Variants in GABBR2 observed in about 807,000 individuals in gnomAD.
GABBR2 encodes the protein gamma-aminobutyric acid type B receptor subunit 2.
A neutral mutation model predicts 105.6 loss-of-function variants in GABBR2; 23 were observed. The observed-to-expected ratio is 0.22, with a 90% CI of 0.16 to 0.31. GABBR2 has a LOEUF of 0.31. GABBR2 is among the 10% of genes least tolerant of loss of function. The pLI, the probability that GABBR2 is intolerant of heterozygous loss-of-function variation, is 1.00. For missense variants in GABBR2, 734 were observed against 1,245.5 expected (o/e 0.59, Z 6.18); for synonymous variants, 478 against 499.7 (o/e 0.96, Z 0.58).
At chr9:98,501,072 T>G (rs2131678316) in intron 3 of GABBR2, among the ~76,000 whole-genome samples, 1 of 152,040 alleles carries the variant, frequency 6.6e-6, no homozygotes, top group South Asian at 2.1e-4. Context: ...GAGACCAGAA[T>G]GTATTAACTG....
chr9:98,344,158 C>T (rs72759648), intron 13 of GABBR2, among the ~76,000 whole-genome samples: 6,678 of 152,142 alleles, frequency 0.044, 215 homozygotes, highest in Middle Eastern at 0.11. Context: ...TCTTCTCCAT[C>T]GCTCTGACTG....
At chr9:98,352,766 TGTG>T (rs1206441518) in intron 13 of GABBR2, among the ~76,000 whole-genome samples, 1 of 152,008 alleles carries the variant, frequency 6.6e-6, no homozygotes, top group African/African-American at 2.4e-5. Flanking sequence ...GCCTTCCTGG[TGTG>T]GTACATTGAT....
intron 2 of GABBR2, among the ~76,000 whole-genome samples, chr9:98,549,203 C>T (rs1392089745): frequency 8.2e-6 from 1 of 122,202 alleles, no homozygotes; most frequent in Non-Finnish European, 1.8e-5. Flanking sequence ...GCTTTGGCCT[C>T]CCAAAGTGCT....
At chr9:98,409,561 C>A (rs1206557239) in intron 7 of GABBR2, among the ~76,000 whole-genome samples, 1 of 152,170 alleles carries the variant, frequency 6.6e-6, no homozygotes, top group African/African-American at 2.4e-5. Context: ...GACACCCCAC[C>A]CAGGATGGAG....
intron 13 of GABBR2, among the ~76,000 whole-genome samples, chr9:98,327,502 T>C (rs1315996775): frequency 1.3e-5 from 2 of 152,128 alleles, no homozygotes; most frequent in African/African-American, 4.8e-5. Context: ...CTTTGGCTAA[T>C]GGTCCCATAG....
At chr9:98,317,103 AG>A (rs1277231192) in intron 13 of GABBR2, among the ~76,000 whole-genome samples, 1 of 152,240 alleles carries the variant, frequency 6.6e-6, no homozygotes, top group Non-Finnish European at 1.5e-5. Flanking sequence ...CTTCCCCTGA[AG>A]CCCCCAGAGC....
intron 1 of GABBR2, among the ~76,000 whole-genome samples, chr9:98,660,642 C>T (rs762348649): frequency 3.9e-5 from 6 of 152,174 alleles, no homozygotes; most frequent in Non-Finnish European, 5.9e-5. Context: ...ATCAGAAATC[C>T]AAAATGAGTC....
intron 1 of GABBR2, among the ~76,000 whole-genome samples, chr9:98,674,498 T>C (rs1830449876): frequency 6.6e-6 from 1 of 151,532 alleles, no homozygotes; most frequent in Non-Finnish European, 1.5e-5. Context: ...GAGGCAGAAA[T>C]AGGTAAGAAA....
At chr9:98,539,757 A>G (rs1421006708) in intron 3 of GABBR2, among the ~76,000 whole-genome samples, 1 of 151,994 alleles carries the variant, frequency 6.6e-6, no homozygotes, top group East Asian at 1.9e-4. Context: ...CTCTACTAAA[A>G]ATACATAAAT....
chr9:98,619,717 T>A (rs1431607270), intron 1 of GABBR2, among the ~76,000 whole-genome samples: 1 of 152,254 alleles, frequency 6.6e-6, no homozygotes, highest in Admixed American at 6.5e-5. Context: ...CTTGTTTTTC[T>A]TGCTTCTGAT....
In GABBR2 at chr9:98,299,242, T is replaced by C; in HGVS notation, c.2524A>G (p.Asn842Asp). 1 of 1,614,116 alleles carries C rather than the reference T, an allele frequency of 6.2e-7. No homozygotes were observed. The highest frequency in any genetic ancestry group is 2.2e-5 in the East Asian group (1 of 44,890). Residue 842 changes from asparagine to aspartate, a missense_variant, in exon 17 of 19, where the codon AAC becomes GAC. Asn to Asp is a conservative substitution (Grantham distance 23, BLOSUM62 1). Coordinates refer to ENST00000259455, the MANE Select transcript of GABBR2 (RefSeq NM_005458.8). ...CTCTTACCTGTGCTCTCAGTGAAGTTTCCCAGGTTGAGGATGTCATTGAGC... is the reference window on the plus strand; with the variant it reads ...CTCTTACCTGTGCTCTCAGTGAAGTCTCCCAGGTTGAGGATGTCATTGAGC... ...QELNDILNLG[N>D]FTESTDGGKA...
At chr9:98,568,610 A>T (rs1160810277) in intron 2 of GABBR2, among the ~76,000 whole-genome samples, 2 of 152,138 alleles carry the variant, frequency 1.3e-5, no homozygotes, top group Non-Finnish European at 2.9e-5. Context: ...GTCACCAGCC[A>T]GCACTTTGTC....
intron 12 of GABBR2, among the ~76,000 whole-genome samples, chr9:98,365,789 A>G (rs569103050): frequency 1.1e-4 from 16 of 148,992 alleles, no homozygotes; most frequent in African/African-American, 3.8e-4. Context: ...GGTGATTTAA[A>G]ATAATCTTAA....
chr9:98,463,614 G>A (rs1213343495), intron 6 of GABBR2, among the ~76,000 whole-genome samples: 3 of 151,264 alleles, frequency 2.0e-5, no homozygotes, highest in East Asian at 4.0e-4. Flanking sequence ...TCTCGCTCTC[G>A]CTCTCGCTCT....
chr9:98,498,976 C>G (rs898071972), intron 3 of GABBR2, among the ~76,000 whole-genome samples: 7 of 152,260 alleles, frequency 4.6e-5, no homozygotes, highest in African/African-American at 1.7e-4. Flanking sequence ...TGGCTCTCCA[C>G]TTGCATGGCA....
intron 1 of GABBR2, among the ~76,000 whole-genome samples, chr9:98,639,536 T>C (rs1056823277): frequency 2.6e-5 from 4 of 151,314 alleles, no homozygotes; most frequent in Non-Finnish European, 5.9e-5. Context: ...ACAACTTAAT[T>C]AACCTGGCAT....
intron 13 of GABBR2, among the ~76,000 whole-genome samples, chr9:98,341,192 A>G (rs189734042): frequency 2.0e-5 from 3 of 152,224 alleles, no homozygotes; most frequent in Non-Finnish European, 4.4e-5. Flanking sequence ...TCCACACAAG[A>G]TGTTCCAGAA....
chr9:98,499,773 C>T (rs1827364083), intron 3 of GABBR2, among the ~76,000 whole-genome samples: 1 of 152,228 alleles, frequency 6.6e-6, no homozygotes, highest in South Asian at 2.1e-4. Context: ...AGAGCCAGGC[C>T]AGGTGCGGTG....
intron 4 of GABBR2, among the ~76,000 whole-genome samples, chr9:98,488,623 TTC>T (rs1827109734): frequency 6.9e-6 from 1 of 145,016 alleles, no homozygotes; most frequent in Admixed American, 7.0e-5. Flanking sequence ...CTTTCTGTCA[TTC>T]CCTAGCACTT....
Sources: gnomAD v4.1 joint callset for allele counts (sites outside exome capture counted in the v4.1 genomes callset) on GRCh38, gnomAD v4.1.1 for gene constraint, MANE v1.5 for transcripts, NCBI Gene and HGNC (gene_info 2026-07-23, HGNC 2026-07-21) for gene names.